DOCK4: variants seen among roughly 807,000 people sequenced by gnomAD.
The protein encoded by DOCK4 is dedicator of cytokinesis 4.
In DOCK4, 97 loss-of-function variants were observed where a neutral mutation model predicts 268.1. That is an observed-to-expected ratio of 0.36 (90% CI 0.31 to 0.43). The LOEUF (loss-of-function observed/expected upper bound fraction) is 0.43, where lower values mean the gene tolerates loss of function less well. DOCK4 is among the 20% of genes least tolerant of loss of function. The probability of loss-of-function intolerance (pLI) is 1.00; values close to 1 mark genes in which losing one functional copy is unlikely to be tolerated. For missense variants in DOCK4, 2,145 were observed against 2,455.7 expected (o/e 0.87, Z 2.67); for synonymous variants, 954 against 887.2 (o/e 1.08, Z -1.34).
intron 13 of DOCK4, among the ~76,000 whole-genome samples, chr7:111,906,039 T>G (rs184384158): frequency 6.6e-6 from 1 of 152,116 alleles, no homozygotes; most frequent in African/African-American, 2.4e-5. Context: ...GAAATTAAAG[T>G]GTAGGGATTA....
intron 1 of DOCK4, among the ~76,000 whole-genome samples, chr7:112,200,744 A>AAAAAC (rs1563181820): frequency 2.0e-5 from 3 of 148,858 alleles, no homozygotes; most frequent in East Asian, 3.9e-4. Flanking sequence ...AAAAACAAAA[A>AAAAAC]AAAACAAGAT....
chr7:111,913,700 C>T (rs111963856), intron 13 of DOCK4, among the ~76,000 whole-genome samples: 25,930 of 149,962 alleles, frequency 0.17, 2,353 homozygotes, highest in Non-Finnish European at 0.22. Context: ...TGAGCCACCG[C>T]GCCCGGCCAC....
intron 23 of DOCK4, among the ~76,000 whole-genome samples, chr7:111,859,081 C>T (rs143854638): frequency 2.3e-3 from 345 of 152,146 alleles, no homozygotes; most frequent in Non-Finnish European, 3.5e-3. Flanking sequence ...TGCAGTGGTG[C>T]GATCATGGCT....
chr7:111,929,358 G>A (rs1794006458), intron 12 of DOCK4, among the ~76,000 whole-genome samples: 1 of 151,902 alleles, frequency 6.6e-6, no homozygotes, highest in Non-Finnish European at 1.5e-5. Flanking sequence ...TCTTTGTACT[G>A]TTTTCTACAA....
chr7:111,773,479 T>C (rs1798249228), intron 36 of DOCK4, among the ~76,000 whole-genome samples: 1 of 152,208 alleles, frequency 6.6e-6, no homozygotes, highest in East Asian at 1.9e-4. Context: ...AATATATCTG[T>C]TATATATCTG....
At chr7:111,852,666 C>G (rs1804678381) in intron 23 of DOCK4, among the ~76,000 whole-genome samples, 1 of 152,058 alleles carries the variant, frequency 6.6e-6, no homozygotes, top group African/African-American at 2.4e-5. Context: ...ATATCAACTG[C>G]AAAAAAGTAA....
intron 23 of DOCK4, among the ~76,000 whole-genome samples, chr7:111,850,736 C>T (rs991178447): frequency 2.0e-5 from 3 of 151,988 alleles, no homozygotes; most frequent in African/African-American, 2.4e-5. Flanking sequence ...GTGACCCCCA[C>T]CCCTGCCCTC....
intron 22 of DOCK4, 77 bp from the exon 23 acceptor site, chr7:111,863,641 A>G (rs1355302671): frequency 1.4e-6 from 2 of 1,403,888 alleles, no homozygotes; most frequent in African/African-American, 2.9e-5. Context: ...AGTGAGTTTA[A>G]GGACCGTGGC....
At chr7:111,901,644 TG>T in intron 14 of DOCK4, 32 bp downstream of exon 14, 1 of 1,608,082 alleles carries the variant, frequency 6.2e-7, no homozygotes, top group Non-Finnish European at 8.5e-7. Flanking sequence ...TATACAGACT[TG>T]TTTGACCTGG....
intron 11 of DOCK4, among the ~76,000 whole-genome samples, chr7:111,938,949 G>C (rs780518776): frequency 1.7e-3 from 249 of 149,912 alleles, no homozygotes; most frequent in African/African-American, 5.8e-3. Flanking sequence ...ACTCCAGCCT[G>C]GGTGACAGAG....
chr7:111,845,397 T>C (rs1262143642), intron 24 of DOCK4, among the ~76,000 whole-genome samples: 2 of 152,230 alleles, frequency 1.3e-5, no homozygotes. Flanking sequence ...TATTAGGAAA[T>C]GGTGTTTGGC....
chr7:112,002,770 C>G (rs1013344189), intron 2 of DOCK4, among the ~76,000 whole-genome samples: 3 of 151,958 alleles, frequency 2.0e-5, no homozygotes, highest in Non-Finnish European at 4.4e-5. Context: ...AGCTGGGTGG[C>G]CGGGCATGGT....
chr7:111,791,457 G>A (rs1321134877), intron 30 of DOCK4, among the ~76,000 whole-genome samples: 7 of 145,244 alleles, frequency 4.8e-5, no homozygotes, highest in Non-Finnish European at 7.6e-5. Flanking sequence ...TGTTTTTTTT[G>A]TTTTTTTTTT....
rs1456799858 is a variant in DOCK4, at chr7:111,989,050, C to T, written c.429G>A (p.Lys143=). 1 of 1,613,856 alleles carries T rather than the reference C, an allele frequency of 6.2e-7. No homozygotes were observed. The highest frequency in any genetic ancestry group is 8.5e-7 in the Non-Finnish European group (1 of 1,179,806). ...AGTCAAGCCGGGCAGTAATGTGGCG[C>T]TTCACGTCCTTCATCCGGTCGTGGG... ...HLTHDRMKDV[K]RHITARLDWG... is the part of the protein sequence containing the mutation. Residue 143 remains lysine (K), a synonymous_variant, in exon 6 of 53, where the codon AAG becomes AAA. Transcript: ENST00000428084.
chr7:112,172,353 C>A (rs1468233), intron 1 of DOCK4, among the ~76,000 whole-genome samples: 2,642 of 152,232 alleles, frequency 0.017, 98 homozygotes, highest in Admixed American at 0.084. Flanking sequence ...GGCCACCAGC[C>A]TCTCTTTTAG....
At chr7:111,952,162 C>CA (rs1344853632) in intron 8 of DOCK4, among the ~76,000 whole-genome samples, 1 of 149,904 alleles carries the variant, frequency 6.7e-6, no homozygotes, top group East Asian at 2.0e-4. Flanking sequence ...ATGAAAAAAA[C>CA]AAAAAGCCAC....
chr7:111,733,580 G>A (rs867804989), intron 51 of DOCK4, among the ~76,000 whole-genome samples: 2 of 152,274 alleles, frequency 1.3e-5, no homozygotes, highest in South Asian at 2.1e-4. Flanking sequence ...AAAGTTGATT[G>A]TTCCCTAGGA....
At chr7:112,124,376 T>C (rs1813026347) in intron 1 of DOCK4, among the ~76,000 whole-genome samples, 1 of 152,214 alleles carries the variant, frequency 6.6e-6, no homozygotes, top group South Asian at 2.1e-4. Context: ...TCCTTATGTA[T>C]AAAGCATAAG....
At chr7:111,905,108 G>GCC (rs999411910) in intron 13 of DOCK4, among the ~76,000 whole-genome samples, 11 of 152,166 alleles carry the variant, frequency 7.2e-5, no homozygotes, top group African/African-American at 2.7e-4. Context: ...TTTGCAAGGT[G>GCC]CCAAGTTTTG....
Sources: allele counts gnomAD v4.1 joint callset (sites outside exome capture counted in the v4.1 genomes callset), GRCh38; gene constraint gnomAD v4.1.1; transcripts MANE v1.5; gene names NCBI Gene and HGNC (gene_info 2026-07-23, HGNC 2026-07-21).